Variants in GSE1 observed in about 807,000 individuals in gnomAD.
GSE1 encodes genetic suppressor element 1.
A neutral mutation model predicts 112.6 loss-of-function variants in GSE1; 32 were observed. The observed-to-expected ratio is 0.28, with a 90% CI of 0.21 to 0.38. GSE1 has a LOEUF of 0.38. GSE1 is among the 10% of genes least tolerant of loss of function. The pLI is 1.00. For synonymous variants in GSE1, 1,115 were observed against 735.6 expected (o/e 1.52, Z -8.35); for missense variants, 2,348 against 1,699.2 (o/e 1.38, Z -6.71).
chr16:85,654,092 C>A (rs1006090349), intron 3 of GSE1, among the ~76,000 whole-genome samples, 186 bp from the exon 4 acceptor site: 2 of 152,170 alleles, frequency 1.3e-5, no homozygotes, highest in Non-Finnish European at 2.9e-5. Flanking sequence ...AGCCACATCC[C>A]CTTTCTTACG....
intron 2 of GSE1, among the ~76,000 whole-genome samples, chr16:85,638,985 T>A (rs753524386): frequency 6.6e-6 from 1 of 152,094 alleles, no homozygotes; most frequent in East Asian, 1.9e-4. Context: ...AAATGGGGCT[T>A]GGAGTGCCCG....
intron 1 of GSE1, among the ~76,000 whole-genome samples, chr16:85,287,291 G>T (rs1476850232): frequency 6.6e-6 from 1 of 152,218 alleles, no homozygotes; most frequent in Non-Finnish European, 1.5e-5. Flanking sequence ...TGACGCATGG[G>T]GCCGGAGCAA....
chr16:85,398,371 C>A (rs182924396), intron 2 of GSE1, among the ~76,000 whole-genome samples: 2 of 152,260 alleles, frequency 1.3e-5, no homozygotes, highest in East Asian at 3.9e-4. Context: ...CCCAGTCCCT[C>A]CTGAGCAGGA....
intron 2 of GSE1, among the ~76,000 whole-genome samples, chr16:85,393,187 T>A (rs2047885168): frequency 6.6e-6 from 1 of 152,138 alleles, no homozygotes; most frequent in African/African-American, 2.4e-5. Flanking sequence ...GAAGATCACT[T>A]GAGGCCAGCA....
chr16:85,315,831 AG>A (rs1270918671), intron 1 of GSE1, among the ~76,000 whole-genome samples: 3 of 152,232 alleles, frequency 2.0e-5, no homozygotes, highest in African/African-American at 7.2e-5. Flanking sequence ...AACCCTGAGT[AG>A]TGGGGATAAA....
intron 2 of GSE1, among the ~76,000 whole-genome samples, chr16:85,463,457 C>G (rs562908978): frequency 4.6e-5 from 7 of 152,254 alleles, no homozygotes; most frequent in Non-Finnish European, 1.0e-4. Flanking sequence ...CTTGCTGCAC[C>G]GCAGGGCTCT....
At chr16:85,611,626 C>T, upstream of GSE1, 8 of 352,646 alleles carry the variant, frequency 2.3e-5, no homozygotes, top group Non-Finnish European at 3.2e-5. Context: ...GGGGGCCGGC[C>T]CGCGTGCGCC....
chr16:85,304,281 A>T (rs2966867), intron 1 of GSE1, among the ~76,000 whole-genome samples: 3 of 152,240 alleles, frequency 2.0e-5, no homozygotes, highest in Non-Finnish European at 2.9e-5. Flanking sequence ...CTGGGAGTAG[A>T]CCCCTGGCAT....
At chr16:85,331,661 ATG>A (rs1159802556) in intron 1 of GSE1, among the ~76,000 whole-genome samples, 32,615 of 84,040 alleles carry the variant, frequency 0.39, 8,211 homozygotes, top group Middle Eastern at 0.52. Context: ...ATATGTGTAT[ATG>A]TGTGTGTGTG....
chr16:85,655,912 G>T lies in GSE1; in HGVS notation c.984G>T (p.Ala328=). 6.2e-7 allele frequency: 1 copy of T among 1,601,618 alleles called. No homozygotes were observed. The highest frequency in any genetic ancestry group is 1.1e-5 in the South Asian group (1 of 90,962). ...LHSERMSGLS[A]ERLQMDEELR... Reference sequence around the variant, plus strand: ...CGGAGCGCATGTCTGGCCTCAGCGCGGAGAGGTAAGTGCGTCTCGAGCCGA... The same window carrying T: ...CGGAGCGCATGTCTGGCCTCAGCGCTGAGAGGTAAGTGCGTCTCGAGCCGA... Residue 328 remains alanine, a synonymous_variant, in exon 6 of 16, where the codon GCG becomes GCT. Coordinates refer to ENST00000253458, the MANE Select transcript of GSE1 (RefSeq NM_014615.5).
chr16:85,646,242 G>A (rs910371063), intron 2 of GSE1, among the ~76,000 whole-genome samples: 1 of 152,146 alleles, frequency 6.6e-6, no homozygotes, highest in Admixed American at 6.5e-5. Flanking sequence ...CATTCTACCT[G>A]CTTCTACCAC....
intron 2 of GSE1, among the ~76,000 whole-genome samples, chr16:85,514,577 C>T (rs376278632): frequency 6.6e-5 from 10 of 152,292 alleles, no homozygotes; most frequent in African/African-American, 2.2e-4. Context: ...TCCGGGAAGG[C>T]GGCCAGCCCC....
At chr16:85,349,343 C>A (rs1026374209) in intron 1 of GSE1, among the ~76,000 whole-genome samples, 3 of 152,192 alleles carry the variant, frequency 2.0e-5, no homozygotes, top group African/African-American at 7.2e-5. Flanking sequence ...CACTAGCTTG[C>A]AGCACAGAAC....
chr16:85,489,365 C>T (rs988165217), intron 2 of GSE1, among the ~76,000 whole-genome samples: 1 of 151,972 alleles, frequency 6.6e-6, no homozygotes, highest in Non-Finnish European at 1.5e-5. Flanking sequence ...TGTCAGTGGG[C>T]ACTGGGGGCT....
At chr16:85,295,072 C>T (rs1258892729) in intron 1 of GSE1, among the ~76,000 whole-genome samples, 3 of 152,038 alleles carry the variant, frequency 2.0e-5, no homozygotes, top group African/African-American at 7.2e-5. Context: ...AAAGCACCAC[C>T]TCCTAATACC....
chr16:85,642,461 GC>G (rs56838494), intron 2 of GSE1, among the ~76,000 whole-genome samples: 16,222 of 152,244 alleles, frequency 0.11, 1,391 homozygotes, highest in East Asian at 0.41. Flanking sequence ...AAAGCAGGGG[GC>G]AAAGTGCACC....
At chr16:85,504,517 G>C (rs1252402531) in intron 2 of GSE1, among the ~76,000 whole-genome samples, 1 of 152,210 alleles carries the variant, frequency 6.6e-6, no homozygotes, top group Non-Finnish European at 1.5e-5. Flanking sequence ...GGTAGCATAC[G>C]GTTAGTGTGA....
At chr16:85,581,185 G>C (rs780705887) in intron 1 of GSE1, among the ~76,000 whole-genome samples, 6 of 152,222 alleles carry the variant, frequency 3.9e-5, no homozygotes, top group Admixed American at 1.3e-4. Flanking sequence ...CAGCTCTCCA[G>C]CCTCCTTCAG....
chr16:85,276,312 G>A (rs1909355678), intron 1 of GSE1, among the ~76,000 whole-genome samples: 1 of 147,016 alleles, frequency 6.8e-6, no homozygotes, highest in Non-Finnish European at 1.5e-5. Context: ...TGCTGCAGAA[G>A]GGGAAACTGA....
Sources: gnomAD v4.1 joint callset for allele counts (sites outside exome capture counted in the v4.1 genomes callset) on GRCh38, gnomAD v4.1.1 for gene constraint, MANE v1.5 for transcripts, NCBI Gene and HGNC (gene_info 2026-07-23, HGNC 2026-07-21) for gene names.